Variants in CSMD1 observed in about 807,000 individuals in gnomAD.
CSMD1 encodes CUB and sushi domain-containing protein 1.
A neutral mutation model predicts 417.5 loss-of-function variants in CSMD1; 213 were observed. The ratio of observed to expected loss-of-function variants is 0.51; its 90% CI spans 0.46 to 0.57. CSMD1 has a LOEUF of 0.57. Ranked by LOEUF, CSMD1 falls within the 20% of genes least tolerant of loss-of-function variation. CSMD1 has a pLI of 0.00. For synonymous variants in CSMD1, 2,862 were observed against 1,736.8 expected (o/e 1.65, Z -16.11); for missense variants, 6,923 against 4,529.7 (o/e 1.53, Z -15.17).
chr8:3,778,034 G>A (rs949495419), intron 5 of CSMD1, among the ~76,000 whole-genome samples: 1 of 152,252 alleles, frequency 6.6e-6, no homozygotes, highest in African/African-American at 2.4e-5. Flanking sequence ...CTGTCTGGCT[G>A]TCTGTGCTTA....
intron 2 of CSMD1, among the ~76,000 whole-genome samples, chr8:4,429,148 G>C (rs1219700144): frequency 1.3e-5 from 2 of 150,460 alleles, no homozygotes; most frequent in African/African-American, 4.9e-5. Context: ...TATATAATTG[G>C]ATTATTATAT....
intron 1 of CSMD1, among the ~76,000 whole-genome samples, chr8:4,966,812 T>C (rs1809893103): frequency 6.6e-6 from 1 of 152,242 alleles, no homozygotes; most frequent in Admixed American, 6.5e-5. Flanking sequence ...AAAGAATTTA[T>C]TGCATGCTGT....
intron 49 of CSMD1, among the ~76,000 whole-genome samples, chr8:3,079,991 T>C (rs749487528): frequency 1.2e-4 from 18 of 152,238 alleles, no homozygotes; most frequent in Non-Finnish European, 2.6e-4. Context: ...AAGGCCTGAC[T>C]TTAAAAACAG....
intron 23 of CSMD1, among the ~76,000 whole-genome samples, chr8:3,319,113 A>C (rs1487395837): frequency 6.6e-6 from 1 of 152,202 alleles, no homozygotes; most frequent in Non-Finnish European, 1.5e-5. Context: ...CATCCAGATA[A>C]TAACTGAAGA....
chr8:3,108,629 C>T lies in CSMD1; in HGVS notation c.6728G>A (p.Gly2243Glu), dbSNP rs377311146. The change falls in exon 44 of 70, where the codon GGA (glycine) becomes GAA (glutamate). Residue 2243 changes from glycine to glutamate, a missense_variant. Coordinates refer to ENST00000635120, the MANE Select transcript of CSMD1 (RefSeq NM_033225.6). ...GTGGAAATTGAGGACAAAGAAGCCT[C>T]CATTTGAAAAGTCGCTGTGGAACTT... ...LLKFHSDFSN[G>E]GFFVLNFHAF... 12 of 1,613,656 alleles carry T rather than the reference C, an allele frequency of 7.4e-6. No homozygotes were observed. The highest frequency in any genetic ancestry group is 1.0e-5 in the Non-Finnish European group (12 of 1,179,850).
chr8:3,484,905 A>G (rs1349213031), intron 11 of CSMD1, among the ~76,000 whole-genome samples: 1 of 152,206 alleles, frequency 6.6e-6, no homozygotes, highest in Non-Finnish European at 1.5e-5. Flanking sequence ...GAGCAGAAAA[A>G]GTGGTGATAA....
intron 1 of CSMD1, among the ~76,000 whole-genome samples, chr8:4,960,998 A>G (rs1809441205): frequency 6.6e-6 from 1 of 152,102 alleles, no homozygotes; most frequent in Non-Finnish European, 1.5e-5. Flanking sequence ...CTAACATCAT[A>G]GATGAGCATT....
chr8:4,032,154 C>A, intron 3 of CSMD1, 55 bp from the exon 4 acceptor site: 1 of 1,361,592 alleles, frequency 7.3e-7, no homozygotes, highest in Non-Finnish European at 1.0e-6. Flanking sequence ...CCATGGAGAG[C>A]CACTTATAAG....
intron 10 of CSMD1, among the ~76,000 whole-genome samples, chr8:3,573,944 C>A (rs759467907): frequency 4.7e-4 from 72 of 151,776 alleles, no homozygotes; most frequent in Non-Finnish European, 8.5e-4. Flanking sequence ...TACTGGCAAG[C>A]ATCTATATTG....
intron 11 of CSMD1, among the ~76,000 whole-genome samples, chr8:3,472,791 G>A (rs186975885): frequency 6.6e-6 from 1 of 151,892 alleles, no homozygotes; most frequent in Non-Finnish European, 1.5e-5. Context: ...AACATTTAGG[G>A]CAGTCAAAAC....
chr8:3,582,567 T>C (rs554429706), intron 9 of CSMD1, among the ~76,000 whole-genome samples: 22 of 152,302 alleles, frequency 1.4e-4, no homozygotes, highest in African/African-American at 5.3e-4. Context: ...TGTAAATGTC[T>C]AAACTTGCGC....
At chr8:4,770,471 A>G (rs1032168704) in intron 1 of CSMD1, among the ~76,000 whole-genome samples, 7 of 151,368 alleles carry the variant, frequency 4.6e-5, no homozygotes, top group African/African-American at 1.7e-4. Context: ...AATTTCTAAA[A>G]TGTGTGTGGA....
At chr8:4,800,105 C>T (rs1488799771) in intron 1 of CSMD1, among the ~76,000 whole-genome samples, 1 of 151,990 alleles carries the variant, frequency 6.6e-6, no homozygotes, top group African/African-American at 2.4e-5. Flanking sequence ...TTATATAAAG[C>T]GTATCCTTTT....
chr8:4,946,173 C>A (rs1205978399), intron 1 of CSMD1, among the ~76,000 whole-genome samples: 1 of 152,178 alleles, frequency 6.6e-6, no homozygotes, highest in African/African-American at 2.4e-5. Context: ...AACTTTGATA[C>A]TCCGTGTTGT....
intron 7 of CSMD1, among the ~76,000 whole-genome samples, chr8:3,679,315 G>A (rs1319672312): frequency 6.6e-6 from 1 of 152,100 alleles, no homozygotes; most frequent in Non-Finnish European, 1.5e-5. Flanking sequence ...ACACACATAG[G>A]CTCAAAATAA....
rs746602216 is a variant in CSMD1 at position 4,747,687 on chromosome 8, C to T, written c.86-110129G>A. 5.3e-5 allele frequency among the ~76,000 whole-genome samples: 8 copies of T among 152,142 alleles called. No individual in the cohort carries two copies. The East Asian group carries it at 5.8e-4, about 11-fold the overall frequency. ...ATTTTGCATGCCTTGTGGCACAAGGCTTTTCCACCTACCATCATCCTGGTC... is the reference window on the plus strand; with the variant it reads ...ATTTTGCATGCCTTGTGGCACAAGGTTTTTCCACCTACCATCATCCTGGTC... On this transcript the variant is annotated intron_variant, in intron 1 of 69. Transcript: ENST00000635120.
chr8:3,036,154 A>C (rs909629323), intron 50 of CSMD1, among the ~76,000 whole-genome samples: 1 of 152,224 alleles, frequency 6.6e-6, no homozygotes, highest in Non-Finnish European at 1.5e-5. Flanking sequence ...TTACTTAAGA[A>C]ATATCAGCCT....
intron 1 of CSMD1, among the ~76,000 whole-genome samples, chr8:4,930,222 C>G (rs1276166701): frequency 6.6e-6 from 1 of 152,160 alleles, no homozygotes; most frequent in African/African-American, 2.4e-5. Context: ...AATGTCCTTT[C>G]ACATATTAGG....
At position 3,576,663 on chromosome 8, in the gene CSMD1, G is replaced by A. The variant is rs150918455; in HGVS notation, c.1223-1597C>T. On this transcript the variant is annotated intron_variant, in intron 9 of 69. Coordinates refer to ENST00000635120, the MANE Select transcript of CSMD1 (RefSeq NM_033225.6). ...ACTGGGTTTCCGAAACTCAGTAGGTGTGTCATTGGTCTAAAGGTCACTGGA... is the reference window on the plus strand; with the variant it reads ...ACTGGGTTTCCGAAACTCAGTAGGTATGTCATTGGTCTAAAGGTCACTGGA... Among the ~76,000 whole-genome samples the A allele has an allele frequency of 7.9e-3, 1,200 of 152,292 alleles. 5 individuals carry two copies. Among genetic ancestry groups the A allele is most frequent in the Non-Finnish European group, 0.012 (802 of 68,028 alleles).
Sources: allele counts gnomAD v4.1 joint callset (sites outside exome capture counted in the v4.1 genomes callset), GRCh38; gene constraint gnomAD v4.1.1; transcripts MANE v1.5; gene names NCBI Gene and HGNC (gene_info 2026-07-23, HGNC 2026-07-21).